The following SLC25A13 variants were observed in gnomAD, a reference collection of about 807,000 sequenced individuals.
SLC25A13 encodes the protein electrogenic aspartate/glutamate antiporter SLC25A13, mitochondrial.
A neutral mutation model predicts 85.5 loss-of-function variants in SLC25A13; 70 were observed. The ratio of observed to expected loss-of-function variants is 0.82; its 90% CI spans 0.68 to 1.00. SLC25A13 has a LOEUF of 1.00. Among genes scored for constraint, SLC25A13 ranks in the 50% least tolerant of loss-of-function variants. SLC25A13 has a pLI of 0.00. For missense variants in SLC25A13, 765 were observed against 819.8 expected (o/e 0.93, Z 0.82); for synonymous variants, 259 against 288.7 (o/e 0.90, Z 1.04).
intron 5 of SLC25A13, among the ~76,000 whole-genome samples, chr7:96,201,192 C>G (rs1795241559): frequency 1.3e-5 from 2 of 152,070 alleles, no homozygotes; most frequent in African/African-American, 4.8e-5. Context: ...AATGAAAATA[C>G]AACTGGGTTC....
intron 4 of SLC25A13, among the ~76,000 whole-genome samples, chr7:96,214,990 T>A (rs1011100506): frequency 6.6e-6 from 1 of 152,208 alleles, no homozygotes; most frequent in Non-Finnish European, 1.5e-5. Flanking sequence ...AAATGATCTA[T>A]AGATTCAATG....
intron 3 of SLC25A13, among the ~76,000 whole-genome samples, chr7:96,237,273 T>A (rs749518793): frequency 3.9e-5 from 6 of 152,142 alleles, no homozygotes; most frequent in Non-Finnish European, 8.8e-5. Flanking sequence ...TGCAGGCAAA[T>A]GGACCGACTT....
chr7:96,133,815 G>A (rs906186137), intron 14 of SLC25A13, among the ~76,000 whole-genome samples: 7 of 151,794 alleles, frequency 4.6e-5, no homozygotes, highest in Admixed American at 6.6e-5. Flanking sequence ...CCAGCTACTC[G>A]GGAGACTGAG....
At chr7:96,202,842 T>C (rs1026634417) in intron 5 of SLC25A13, among the ~76,000 whole-genome samples, 2 of 151,958 alleles carry the variant, frequency 1.3e-5, no homozygotes, top group Admixed American at 6.6e-5. Context: ...AACACCACCA[T>C]CCTCCCACTA....
chr7:96,200,339 T>C (rs761060710), intron 5 of SLC25A13, among the ~76,000 whole-genome samples: 3 of 152,220 alleles, frequency 2.0e-5, no homozygotes, highest in Non-Finnish European at 2.9e-5. Context: ...ACAATTTCTA[T>C]ATTACATCAC....
intron 11 of SLC25A13, among the ~76,000 whole-genome samples, chr7:96,177,123 T>C (rs1794251959): frequency 6.6e-6 from 1 of 152,216 alleles, no homozygotes; most frequent in African/African-American, 2.4e-5. Flanking sequence ...ATACATAGCC[T>C]TGATTTCTTT....
chr7:96,169,924 A>G (rs1323878209), intron 13 of SLC25A13, 121 bp downstream of exon 13: 2 of 1,000,152 alleles, frequency 2.0e-6, no homozygotes, highest in Admixed American at 3.4e-5. Context: ...GCCCTAGTAG[A>G]CTCTGCCCTT....
intron 13 of SLC25A13, among the ~76,000 whole-genome samples, chr7:96,157,514 T>C (rs963583784): frequency 1.3e-5 from 2 of 152,144 alleles, no homozygotes; most frequent in African/African-American, 4.8e-5. Flanking sequence ...TAAAAACAGA[T>C]TTTTAAGGGC....
In SLC25A13 at chr7:96,322,073, A is replaced by G. The variant is rs1800381286; in HGVS notation, c.-117T>C. 7.2e-7 allele frequency: 1 copy of G among 1,396,946 alleles called. No homozygotes were observed. The highest frequency in any genetic ancestry group is 9.7e-7 in the Non-Finnish European group (1 of 1,026,874). 86.5% of individuals were successfully genotyped at this position (1,396,946 alleles called of 1,614,324 possible). On this transcript the variant is annotated 5_prime_UTR_variant, in exon 1 of 18. Coordinates refer to ENST00000265631, the MANE Select transcript of SLC25A13 (RefSeq NM_014251.3). Reference sequence around the variant, plus strand: ...CGGCGGTGGGGGCGGCGATACGGCCAGGCAGCGTGCGTTCCTGGCCTGCCT... The same window carrying G: ...CGGCGGTGGGGGCGGCGATACGGCCGGGCAGCGTGCGTTCCTGGCCTGCCT...
At position 96,266,069 on chromosome 7, in the gene SLC25A13, A is replaced by C. The variant is rs1009487551; in HGVS notation, c.212+11127T>G. 2.0e-5 allele frequency among the ~76,000 whole-genome samples: 3 copies of C among 152,360 alleles called. No homozygotes were observed. The East Asian group carries it at 5.8e-4, about 29-fold the overall frequency. On this transcript the variant is annotated intron_variant, in intron 3 of 17. Coordinates refer to ENST00000265631, the MANE Select transcript of SLC25A13 (RefSeq NM_014251.3). ...GTTTCAACATGAATTTTGGAGGGAC[A>C]TCAATGTTCAGACAAAACCTTATTT...
intron 3 of SLC25A13, among the ~76,000 whole-genome samples, chr7:96,253,158 T>C (rs1797500608): frequency 6.6e-6 from 1 of 151,996 alleles, no homozygotes; most frequent in Non-Finnish European, 1.5e-5. Flanking sequence ...TTTTGATGAG[T>C]GTTGCAGAAA....
At chr7:96,170,018 A>G in intron 13 of SLC25A13, 27 bp downstream of exon 13, 1 of 1,608,070 alleles carries the variant, frequency 6.2e-7, no homozygotes, top group Non-Finnish European at 8.5e-7. Context: ...AGTCTTTTCA[A>G]TGAAGAGAGC....
chr7:96,180,282 A>T (rs998562832), intron 11 of SLC25A13, among the ~76,000 whole-genome samples: 1 of 152,184 alleles, frequency 6.6e-6, no homozygotes, highest in Non-Finnish European at 1.5e-5. Flanking sequence ...GGCTTCTCCC[A>T]TCAATAGAAA....
chr7:96,150,867 A>G (rs1793011239), intron 13 of SLC25A13, among the ~76,000 whole-genome samples: 1 of 151,998 alleles, frequency 6.6e-6, no homozygotes, highest in Non-Finnish European at 1.5e-5. Context: ...ATAGCAACGT[A>G]CCCAGGGCTA....
intron 3 of SLC25A13, among the ~76,000 whole-genome samples, chr7:96,250,002 G>A (rs1797353158): frequency 6.6e-6 from 1 of 151,848 alleles, no homozygotes; most frequent in Admixed American, 6.6e-5. Flanking sequence ...TAGCCAACAT[G>A]GTGAACCCCA....
intron 1 of SLC25A13, among the ~76,000 whole-genome samples, chr7:96,313,580 A>T (rs1433057337): frequency 6.6e-6 from 1 of 152,170 alleles, no homozygotes; most frequent in Non-Finnish European, 1.5e-5. Context: ...ATGGACATAA[A>T]GATGGCAACA....
chr7:96,174,742 T>C (rs1231375514), intron 11 of SLC25A13, among the ~76,000 whole-genome samples: 3 of 152,228 alleles, frequency 2.0e-5, no homozygotes, highest in Non-Finnish European at 4.4e-5. Context: ...CAGAGCCTAA[T>C]GACTACTGTG....
chr7:96,168,097 T>TA (rs1584401547), intron 13 of SLC25A13, among the ~76,000 whole-genome samples: 1 of 7,432 alleles, frequency 1.3e-4, no homozygotes, highest in Non-Finnish European at 3.4e-4. Context: ...AAACTCTGTC[T>TA]GAAAAAAAAA....
intron 3 of SLC25A13, among the ~76,000 whole-genome samples, chr7:96,265,342 C>T (rs1798009200): frequency 6.6e-6 from 1 of 152,190 alleles, no homozygotes; most frequent in African/African-American, 2.4e-5. Flanking sequence ...CATTCATTAA[C>T]ATCACCACCA....
Sources: allele counts gnomAD v4.1 joint callset (sites outside exome capture counted in the v4.1 genomes callset), GRCh38; gene constraint gnomAD v4.1.1; transcripts MANE v1.5; gene names NCBI Gene and HGNC (gene_info 2026-07-23, HGNC 2026-07-21).